NDUFA13: variants seen among roughly 807,000 people sequenced by gnomAD.
The protein encoded by NDUFA13 is NADH dehydrogenase [ubiquinone] 1 alpha subcomplex subunit 13.
Under a neutral mutation model 17.0 loss-of-function variants are expected in NDUFA13, and 16 were observed. The ratio of observed to expected loss-of-function variants is 0.94; its 90% CI spans 0.64 to 1.43. The LOEUF is 1.43. Among genes scored for constraint, NDUFA13 ranks in the 40% most tolerant of loss-of-function variants. The pLI is 0.00. For synonymous variants in NDUFA13, 87 were observed against 78.4 expected (o/e 1.11, Z -0.58); for missense variants, 228 against 206.7 (o/e 1.10, Z -0.63).
At chr19:19,526,311 G>C in intron 2 of NDUFA13, 51 bp downstream of exon 2, 1 of 1,595,410 alleles carries the variant, frequency 6.3e-7, no homozygotes, top group South Asian at 1.1e-5. Flanking sequence ...GCGAGTTGTC[G>C]GGGTCCTGTA....
At chr19:19,526,706 C>G (rs1054657803) in intron 2 of NDUFA13, 1 of 312,046 alleles carries the variant, frequency 3.2e-6, no homozygotes, top group African/African-American at 2.2e-5. Context: ...AGTGGACACA[C>G]AGGGCCAGAT....
At chr19:19,526,072 C>T (rs991616060) in intron 1 of NDUFA13, 110 bp from the exon 2 acceptor site, 16 of 1,544,520 alleles carry the variant, frequency 1.0e-5, no homozygotes, top group Non-Finnish European at 1.2e-5. Context: ...AGCAGCCTCA[C>T]TCCTGAGAAG....
intron 1 of NDUFA13, among the ~76,000 whole-genome samples, chr19:19,525,795 G>A (rs1185020234): frequency 6.6e-6 from 1 of 152,178 alleles, no homozygotes; most frequent in Non-Finnish European, 1.5e-5. Context: ...ACAGGGCACT[G>A]CCTGTCCCTG....
At position 19,525,945 on chromosome 19, in the gene NDUFA13, G is replaced by A. The variant is rs960463656; in HGVS notation, c.95-237G>A. The stretch of plus-strand genomic sequence containing the variant: ...GGGTCCAAACAGCCTTCTAGAACAC[G>A]ATGGACCTGGGGCCCCCCTAGCAAC... On this transcript the variant is annotated intron_variant, in intron 1 of 4. Transcript: ENST00000507754. 8.1e-6 allele frequency: 10 copies of A among 1,242,042 alleles called. No homozygotes were observed. The African/African-American group carries it at 1.2e-4, about 15-fold the overall frequency. 76.9% of individuals were successfully genotyped at this position (1,242,042 alleles called of 1,614,324 possible).
rs965174996 is a variant in NDUFA13, at chr19:19,528,093, C to T, written c.402C>T (p.Leu134=). ...LYGLRTTEEA[L]HASHGFMWYT ...GGCTGCGCACCACAGAGGAGGCTCT[C>T]CATGCCAGCCACGGCTTCATGTGGT... The change falls in exon 5 of 5, where the codon CTC becomes CTT. Residue 134 remains leucine, a synonymous_variant. Transcript: ENST00000507754. 4.3e-6 allele frequency: 7 copies of T among 1,611,512 alleles called. No homozygotes were observed. The highest frequency in any genetic ancestry group is 2.7e-5 in the African/African-American group (2 of 74,864).
intron 1 of NDUFA13, among the ~76,000 whole-genome samples, chr19:19,523,346 C>T (rs2061086746): frequency 6.6e-6 from 1 of 152,230 alleles, no homozygotes; most frequent in South Asian, 2.1e-4. Flanking sequence ...TCCCAACACT[C>T]TGGGAGGCTG....
At position 19,516,305 on chromosome 19, in the gene NDUFA13, C is replaced by G; in HGVS notation, c.67C>G (p.Arg23Gly). 6.2e-7 allele frequency: 1 copy of G among 1,613,730 alleles called. No homozygotes were observed. Among genetic ancestry groups the G allele is most frequent in the South Asian group, 1.1e-5 (1 of 91,078 alleles). Residue 23 changes from arginine to glycine, a missense_variant, in exon 1 of 5, where the codon CGG (arginine) becomes GGG (glycine). Arg to Gly is a moderately radical substitution (Grantham distance 125). Transcript: ENST00000507754. ...PGGYGPIDYK[R>G]NLPRRGLSGY... is the part of the protein sequence containing the mutation. ...GGGCTATGGGCCCATCGACTACAAACGGAACTTGCCGCGTCGAGGACTGTC... is the reference window on the plus strand; with the variant it reads ...GGGCTATGGGCCCATCGACTACAAAGGGAACTTGCCGCGTCGAGGACTGTC...
intron 1 of NDUFA13, among the ~76,000 whole-genome samples, chr19:19,525,773 T>C (rs1206746024): frequency 6.6e-6 from 1 of 152,080 alleles, no homozygotes; most frequent in East Asian, 1.9e-4. Flanking sequence ...GGGGGGTGGC[T>C]GGGCAGCCCC....
At chr19:19,518,506 A>G (rs543483133) in intron 1 of NDUFA13, among the ~76,000 whole-genome samples, 1 of 151,262 alleles carries the variant, frequency 6.6e-6, no homozygotes, top group Admixed American at 6.6e-5. Flanking sequence ...AAGTGCTAAT[A>G]TTGCAGGCAC....
chr19:19,516,282 G>A lies in NDUFA13; in HGVS notation c.44G>A (p.Gly15Asp), dbSNP rs534234427. 1.2e-5 allele frequency: 19 copies of A among 1,613,828 alleles called. No homozygotes were observed. Among genetic ancestry groups the A allele is most frequent in the African/African-American group, 1.1e-4 (8 of 74,932 alleles). ...AAGCAGGACATGCCTCCGCCGGGGGGCTATGGGCCCATCGACTACAAACGG... is the reference window on the plus strand; with the variant it reads ...AAGCAGGACATGCCTCCGCCGGGGGACTATGGGCCCATCGACTACAAACGG... ...KVKQDMPPPG[G>D]YGPIDYKRNL... The change falls in exon 1 of 5, where the codon GGC becomes GAC. Residue 15 changes from glycine to aspartate, a missense_variant. Gly to Asp is a moderately conservative substitution (Grantham distance 94). Transcript: ENST00000507754.
At chr19:19,525,086 A>T (rs2061094318) in intron 1 of NDUFA13, among the ~76,000 whole-genome samples, 1 of 152,124 alleles carries the variant, frequency 6.6e-6, no homozygotes, top group Admixed American at 6.5e-5. Flanking sequence ...CAGCTGATGA[A>T]ACCTCCCATG....
At chr19:19,527,915 C>G (rs757032710) in intron 4 of NDUFA13, 92 bp from the exon 5 acceptor site, 1 of 1,526,898 alleles carries the variant, frequency 6.5e-7, no homozygotes, top group African/African-American at 1.4e-5. Context: ...GTAGCGCCTG[C>G]CACGCACAGG....
At chr19:19,527,936 C>A in intron 4 of NDUFA13, 71 bp from the exon 5 acceptor site, 1 of 1,579,858 alleles carries the variant, frequency 6.3e-7, no homozygotes, top group South Asian at 1.1e-5. Flanking sequence ...GGCCACTGAT[C>A]CTGGGGGATG....
rs1238635734 is a variant in NDUFA13 at position 19,526,222 on chromosome 19, C to T, written c.135C>T (p.Tyr45=). ...MLAIGIGTLI[Y]GHWSIMKWNR... is the part of the protein sequence containing the mutation. ...CCATAGGGATTGGAACCCTGATCTA[C>T]GGGCACTGGAGCATAATGAAGTGGA... is the stretch of plus-strand genomic sequence containing the variant. Residue 45 remains tyrosine, a synonymous_variant, in exon 2 of 5, where the codon TAC becomes TAT. Transcript: ENST00000507754. 6.8e-6 allele frequency: 11 copies of T among 1,614,026 alleles called. No individual in the cohort carries two copies. Among genetic ancestry groups the T allele is most frequent in the South Asian group, 2.2e-5 (2 of 91,094 alleles).
chr19:19,521,449 C>T (rs1341835427), intron 1 of NDUFA13, among the ~76,000 whole-genome samples: 1 of 152,290 alleles, frequency 6.6e-6, no homozygotes, highest in Non-Finnish European at 1.5e-5. Flanking sequence ...AACTCCTGGG[C>T]TCAAGCTGTC....
rs565166641 is a variant in NDUFA13 at position 19,527,907 on chromosome 19, A to G, written c.316-100A>G. ...GCCAGGTCCCACAAGGGAAGGCTGT[A>G]GCGCCTGCCACGCACAGGGGCCACT... On this transcript the variant is annotated intron_variant, in intron 4 of 4. Transcript: ENST00000507754. 5.3e-6 allele frequency: 8 copies of G among 1,510,922 alleles called. No individual in the cohort carries two copies. The South Asian group carries it at 8.1e-5, about 15-fold the overall frequency. 93.6% of individuals were successfully genotyped at this position (1,510,922 alleles called of 1,614,324 possible).
chr19:19,523,068 A>C (rs926621867), intron 1 of NDUFA13, among the ~76,000 whole-genome samples: 2 of 152,200 alleles, frequency 1.3e-5, no homozygotes, highest in African/African-American at 4.8e-5. Context: ...TGAGTCTTTC[A>C]ACTTTGTTCT....
Position 19,526,229 on chromosome 19 carries a change from T to C in NDUFA13, c.142T>C (p.Trp48Arg), listed in dbSNP as rs2144645066. ...IGIGTLIYGH[W>R]SIMKWNRERR... ...GATTGGAACCCTGATCTACGGGCAC[T>C]GGAGCATAATGAAGTGGAACCGTGA... Residue 48 changes from tryptophan (W) to arginine (R), a missense_variant, in exon 2 of 5, where the codon TGG becomes CGG. Transcript: ENST00000507754. 2 of 1,614,146 alleles carry C rather than the reference T, an allele frequency of 1.2e-6. No homozygotes were observed. Among genetic ancestry groups the C allele is most frequent in the Non-Finnish European group, 8.5e-7 (1 of 1,180,014 alleles).
At chr19:19,526,533 C>T in intron 2 of NDUFA13, 1 of 503,238 alleles carries the variant, frequency 2.0e-6, no homozygotes, top group South Asian at 2.0e-5. Context: ...GCCTGGGCAA[C>T]AGAGGGAAAC....
Sources: allele counts gnomAD v4.1 joint callset (sites outside exome capture counted in the v4.1 genomes callset), GRCh38; gene constraint gnomAD v4.1.1; transcripts MANE v1.5; gene names NCBI Gene and HGNC (gene_info 2026-07-23, HGNC 2026-07-21).